MYO9B: variants seen among roughly 807,000 people sequenced by gnomAD.
MYO9B encodes the protein unconventional myosin-IXb.
A neutral mutation model predicts 229.5 loss-of-function variants in MYO9B; 71 were observed. The ratio of observed to expected loss-of-function variants is 0.31; its 90% CI spans 0.26 to 0.38. The LOEUF (loss-of-function observed/expected upper bound fraction) is 0.38, where lower values mean the gene tolerates loss of function less well. MYO9B is among the 10% of genes least tolerant of loss of function. The pLI is 1.00. For synonymous variants in MYO9B, 1,185 were observed against 1,235.8 expected, an observed-to-expected ratio of 0.96 and a Z score of 0.86; for missense variants, 2,255 against 2,920.5, an observed-to-expected ratio of 0.77 and a Z score of 5.25.
At chr19:17,185,245 G>A (rs1236768265) in intron 17 of MYO9B, among the ~76,000 whole-genome samples, 1 of 151,796 alleles carries the variant, frequency 6.6e-6, no homozygotes, top group Non-Finnish European at 1.5e-5. Flanking sequence ...GTAGTGGCGG[G>A]TGCCTGTAGT....
chr19:17,144,789 T>C (rs183789896), intron 2 of MYO9B, among the ~76,000 whole-genome samples: 1 of 150,938 alleles, frequency 6.6e-6, no homozygotes, highest in Admixed American at 6.6e-5. Flanking sequence ...GGCAACACAG[T>C]GAAACCCCGT....
At chr19:17,209,464 A>T in intron 35 of MYO9B, 122 bp from the exon 36 acceptor site, 1 of 1,034,606 alleles carries the variant, frequency 9.7e-7, no homozygotes, top group Non-Finnish European at 1.4e-6. Flanking sequence ...GCCGTGTCCC[A>T]GGCACTGCTT....
At chr19:17,183,245 C>G (rs1418796451) in intron 15 of MYO9B, among the ~76,000 whole-genome samples, 1 of 152,136 alleles carries the variant, frequency 6.6e-6, no homozygotes, top group African/African-American at 2.4e-5. Context: ...TTCTTTCCCA[C>G]CAGCATGATC....
intron 32 of MYO9B, 23 bp from the exon 33 acceptor site, chr19:17,206,225 G>GGGC: frequency 1.9e-6 from 3 of 1,564,658 alleles, no homozygotes; most frequent in Non-Finnish European, 2.6e-6. Flanking sequence ...CCGCTCACCA[G>GGGC]ACCCACCCCA....
chr19:17,212,566 A>C lies in MYO9B; in HGVS notation c.*256A>C. 4.6e-6 allele frequency: 2 copies of C among 436,414 alleles called. No individual in the cohort carries two copies. The highest frequency in any genetic ancestry group is 5.9e-5 in the South Asian group (1 of 16,916). 27.0% of individuals were successfully genotyped at this position (436,414 alleles called of 1,614,324 possible). On this transcript the variant is annotated 3_prime_UTR_variant, in exon 40 of 40. Coordinates refer to ENST00000682292, the MANE Select transcript of MYO9B (RefSeq NM_004145.4). This position sits in a 1 kb window ranked among gnomAD's most constrained non-coding sequence, Gnocchi z 5.4. The stretch of plus-strand genomic sequence containing the variant: ...ACCACATCTCCACCTGCGGCCTCAC[A>C]TCTCCCCACTCCCCTTTTTGTACGT...
At chr19:17,188,453 A>G (rs1489418154) in intron 19 of MYO9B, among the ~76,000 whole-genome samples, 1 of 143,908 alleles carries the variant, frequency 6.9e-6, no homozygotes, top group Non-Finnish European at 1.5e-5. Context: ...AAAAAAAAGA[A>G]GAAACCCCTG....
chr19:17,088,343 C>A (rs1275843052), intron 1 of MYO9B, among the ~76,000 whole-genome samples: 1 of 152,238 alleles, frequency 6.6e-6, no homozygotes, highest in African/African-American at 2.4e-5. Context: ...TCTTAACTGA[C>A]TACATCCCCA....
chr19:17,169,371 CAAAA>C (rs58898086), intron 11 of MYO9B, among the ~76,000 whole-genome samples: 2,015 of 88,944 alleles, frequency 0.023, 55 homozygotes, highest in African/African-American at 0.079. Context: ...GACTCTGTCT[CAAAA>C]AAAAAAAAAA....
intron 16 of MYO9B, chr19:17,184,145 T>C (rs3786514): frequency 0.55 from 266,573 of 482,956 alleles, 78,656 homozygotes; most frequent in African/African-American, 0.86. Context: ...GGGAGGAAGC[T>C]AGGGGCGTAA....
chr19:17,194,821 AC>A lies in MYO9B; in HGVS notation c.3396del (p.Val1133TrpfsTer56). On this transcript the variant is annotated frameshift_variant, in exon 22 of 40. Coordinates refer to ENST00000682292, the MANE Select transcript of MYO9B (RefSeq NM_004145.4). LOFTEE classifies it high-confidence loss of function. Reference sequence around the variant, plus strand: ...AGAGAAGACTCTCCCACCCCAGAAAACCGTGGCGGCTGAAAGTCACGAGAAA... The same window carrying A: ...AGAGAAGACTCTCCCACCCCAGAAAACGTGGCGGCTGAAAGTCACGAGAAA... ...SPEKTLPPQK[T>X]VAAESHEKVP... The A allele has an allele frequency of 6.2e-7, 1 of 1,613,164 alleles. No homozygotes were observed. The highest frequency in any genetic ancestry group is 8.5e-7 in the Non-Finnish European group (1 of 1,179,846).
chr19:17,156,996 C>T lies in MYO9B; in HGVS notation c.1287C>T (p.Val429=), dbSNP rs779265644. 4.2e-5 allele frequency: 68 copies of T among 1,613,632 alleles called. No homozygotes were observed. The highest frequency in any genetic ancestry group is 5.6e-5 in the Non-Finnish European group (66 of 1,179,828). ...RATGREEGLE[V]GPPEVLDTLS... ...CAGGCCGAGAGGAAGGGTTGGAGGT[C>T]GGGCCACCCGAGGTGCTGGACACCC... Residue 429 remains valine, a synonymous_variant, in exon 7 of 40, where the codon GTC becomes GTT. Coordinates refer to ENST00000682292, the MANE Select transcript of MYO9B (RefSeq NM_004145.4).
At chr19:17,079,666 C>T (rs943388548) in intron 1 of MYO9B, among the ~76,000 whole-genome samples, 1 of 152,108 alleles carries the variant, frequency 6.6e-6, no homozygotes, top group African/African-American at 2.4e-5. Flanking sequence ...CCTCCTTGAC[C>T]GTGACTTTGC....
intron 2 of MYO9B, among the ~76,000 whole-genome samples, chr19:17,128,215 GA>G (rs34800666): frequency 1.3e-4 from 19 of 148,324 alleles, no homozygotes; most frequent in South Asian, 2.1e-4. Context: ...TATCTATACT[GA>G]AAAAAAAAAA....
chr19:17,159,278 C>A, intron 7 of MYO9B, 117 bp from the exon 8 acceptor site: 1 of 884,442 alleles, frequency 1.1e-6, no homozygotes, highest in Non-Finnish European at 1.8e-6. Context: ...GGCCTGGCTG[C>A]TGGGGGTCCG....
Position 17,191,066 on chromosome 19 carries a change from A to G in MYO9B, c.2689-31A>G, listed in dbSNP as rs372999078. On this transcript the variant is annotated intron_variant, in intron 19 of 39. Coordinates refer to ENST00000682292, the MANE Select transcript of MYO9B (RefSeq NM_004145.4). ...TCATCGCTGGCCAGAACACTCACCTAGATTTTCCTTTCTCCACCCAAATAA... is the reference window on the plus strand; with the variant it reads ...TCATCGCTGGCCAGAACACTCACCTGGATTTTCCTTTCTCCACCCAAATAA... 21 of 1,606,142 alleles carry G rather than the reference A, an allele frequency of 1.3e-5. No homozygotes were observed. In the African/African-American group the frequency reaches 2.5e-4, roughly 19 times the overall value.
chr19:17,084,333 T>C (rs1333289055), intron 1 of MYO9B, among the ~76,000 whole-genome samples: 1 of 148,938 alleles, frequency 6.7e-6, no homozygotes, highest in Non-Finnish European at 1.5e-5. Flanking sequence ...GTGAGACTCA[T>C]CTCAAAAAAA....
At chr19:17,186,569 G>A (rs2072921531) in intron 18 of MYO9B, among the ~76,000 whole-genome samples, 1 of 152,104 alleles carries the variant, frequency 6.6e-6, no homozygotes, top group Admixed American at 6.6e-5. Flanking sequence ...TACCTGGGGA[G>A]ATGCTCCGTA....
At chr19:17,170,831 T>TAAAAAAAAAAAAA (rs548201494) in intron 11 of MYO9B, among the ~76,000 whole-genome samples, 3 of 120,860 alleles carry the variant, frequency 2.5e-5, no homozygotes, top group Admixed American at 8.7e-5. Context: ...CTCTAAAAAT[T>TAAAAAAAAAAAAA]AAAAAAAAAA....
At chr19:17,202,771 G>A in intron 28 of MYO9B, 71 bp from the exon 29 acceptor site, 4 of 1,473,070 alleles carry the variant, frequency 2.7e-6, no homozygotes, top group Non-Finnish European at 3.7e-6. Flanking sequence ...CCTGAGTTAT[G>A]GGGTGCCAGG....
Sources: gnomAD v4.1 joint callset for allele counts (sites outside exome capture counted in the v4.1 genomes callset) on GRCh38, gnomAD v4.1.1 for gene constraint, Gnocchi (gnomAD v3.1) non-coding constraint, MANE v1.5 for transcripts, NCBI Gene and HGNC (gene_info 2026-07-23, HGNC 2026-07-21) for gene names.